The following ELOVL7 variants were observed in gnomAD, a reference collection of about 807,000 sequenced individuals.
ELOVL7 encodes ELOVL fatty acid elongase 7, also known as very long chain fatty acid elongase 7.
A neutral mutation model predicts 35.7 loss-of-function variants in ELOVL7; 27 were observed. That is an observed-to-expected ratio of 0.76 (90% CI 0.56 to 1.04). ELOVL7 has a LOEUF of 1.04. Ranked by LOEUF, ELOVL7 falls within the 50% of genes least tolerant of loss-of-function variation. ELOVL7 has a pLI of 0.00. For missense variants in ELOVL7, 327 were observed against 340.8 expected (o/e 0.96, Z 0.32); for synonymous variants, 113 against 114.6 (o/e 0.99, Z 0.09).
intron 2 of ELOVL7, among the ~76,000 whole-genome samples, chr5:60,795,655 T>C (rs1479814747): frequency 6.6e-6 from 1 of 152,364 alleles, no homozygotes; most frequent in African/African-American, 2.4e-5. Flanking sequence ...GACTCGCCAC[T>C]GACTTCCAAC....
intron 4 of ELOVL7, among the ~76,000 whole-genome samples, chr5:60,770,718 A>C (rs988466904): frequency 1.3e-5 from 2 of 150,672 alleles, no homozygotes; most frequent in African/African-American, 5.0e-5. Context: ...TATTTTTTTT[A>C]TTTTTATTTT....
intron 1 of ELOVL7, among the ~76,000 whole-genome samples, chr5:60,815,686 G>A (rs1186392309): frequency 6.6e-6 from 1 of 152,054 alleles, no homozygotes; most frequent in Non-Finnish European, 1.5e-5. Context: ...TCCTGCCTCA[G>A]CTTCAAAAAT....
At chr5:60,810,446 A>G (rs1745177834) in intron 1 of ELOVL7, among the ~76,000 whole-genome samples, 1 of 152,246 alleles carries the variant, frequency 6.6e-6, no homozygotes. Flanking sequence ...CTGCTTAAAA[A>G]GCTTCTACAG....
chr5:60,813,024 A>G (rs757920967), intron 1 of ELOVL7, among the ~76,000 whole-genome samples: 2 of 152,210 alleles, frequency 1.3e-5, no homozygotes, highest in Non-Finnish European at 2.9e-5. Context: ...CATCCATGCC[A>G]GAGTCCATTT....
chr5:60,757,563 C>T lies in ELOVL7; in HGVS notation c.582G>A (p.Gly194=), dbSNP rs529994057. Residue 194 remains glycine, a synonymous_variant, in exon 8 of 9, where the codon GGG becomes GGA. Transcript: ENST00000508821. The stretch of plus-strand genomic sequence containing the variant: ...ACCACAAATACTTCTGGTAGGCTGG[C>T]CCCAATGCAGAAAGTCCATAGTAGG... ...MYSYYGLSAL[G]PAYQKYLWWK... is the part of the protein sequence containing the mutation. 23 of 1,613,322 alleles carry T rather than the reference C, an allele frequency of 1.4e-5. No homozygotes were observed. Among genetic ancestry groups the T allele is most frequent in the Non-Finnish European group, 1.8e-5 (21 of 1,179,478 alleles).
At chr5:60,796,859 G>T (rs73759422) in intron 2 of ELOVL7, among the ~76,000 whole-genome samples, 2,098 of 152,310 alleles carry the variant, frequency 0.014, 50 homozygotes, top group African/African-American at 0.048. Flanking sequence ...AAGTGGGAAA[G>T]GGTGGGGAAT....
chr5:60,768,888 T>A (rs1742409164), intron 4 of ELOVL7, among the ~76,000 whole-genome samples: 1 of 152,176 alleles, frequency 6.6e-6, no homozygotes, highest in Non-Finnish European at 1.5e-5. Flanking sequence ...TTAATTACTA[T>A]TAAAGCTAAA....
At chr5:60,776,191 A>G (rs1365661753) in intron 3 of ELOVL7, among the ~76,000 whole-genome samples, 1 of 152,224 alleles carries the variant, frequency 6.6e-6, no homozygotes, top group Non-Finnish European at 1.5e-5. Context: ...AAAAGAAGAC[A>G]TACAAGCGGC....
chr5:60,776,869 T>TA (rs1179968690), intron 3 of ELOVL7, among the ~76,000 whole-genome samples: 1 of 152,062 alleles, frequency 6.6e-6, no homozygotes, highest in African/African-American at 2.4e-5. Flanking sequence ...GAATCTAAAA[T>TA]AAAAATTTTA....
At chr5:60,780,981 C>T (rs992918984) in intron 3 of ELOVL7, among the ~76,000 whole-genome samples, 5 of 152,172 alleles carry the variant, frequency 3.3e-5, no homozygotes, top group Admixed American at 3.3e-4. Context: ...GAGGCCAAGG[C>T]AGGTGATCGC....
Position 60,754,817 on chromosome 5 carries a change from A to T in ELOVL7, c.653T>A (p.Val218Asp). The T allele has an allele frequency of 1.2e-6, 2 of 1,614,048 alleles. No homozygotes were observed. The highest frequency in any genetic ancestry group is 1.7e-6 in the Non-Finnish European group (2 of 1,179,978). ...AAAGAACTGGCTTATGTGGATGGCG[A>T]CAATAACAAACTGGACCTAAGAAAT... ...TSLQLVQFVIVAIHISQFFFM... is the reference protein window; with the variant it reads ...TSLQLVQFVIDAIHISQFFFM... The change falls in exon 9 of 9, where the codon GTC becomes GAC. Residue 218 changes from valine (V) to aspartate (D), a missense_variant. Val to Asp is a radical substitution (Grantham distance 152). Coordinates refer to ENST00000508821, the MANE Select transcript of ELOVL7 (RefSeq NM_024930.3).
chr5:60,754,829 T>C lies in ELOVL7; in HGVS notation c.641A>G (p.Gln214Arg), dbSNP rs1186111107. 1 of 1,613,006 alleles carries C rather than the reference T, an allele frequency of 6.2e-7. No individual in the cohort carries two copies. Among genetic ancestry groups the C allele is most frequent in the Non-Finnish European group, 8.5e-7 (1 of 1,179,604 alleles). ...KKYLTSLQLV[Q>R]FVIVAIHISQ... ...TATGTGGATGGCGACAATAACAAAC[T>C]GGACCTAAGAAATGAAAACGTGAAA... Residue 214 changes from glutamine (Q) to arginine (R), a missense_variant, in exon 9 of 9, where the codon CAG becomes CGG. Transcript: ENST00000508821.
At chr5:60,815,805 A>G (rs1745484168) in intron 1 of ELOVL7, among the ~76,000 whole-genome samples, 1 of 152,182 alleles carries the variant, frequency 6.6e-6, no homozygotes, top group Non-Finnish European at 1.5e-5. Flanking sequence ...AAATAAAATA[A>G]AAATGGTGAA....
intron 1 of ELOVL7, among the ~76,000 whole-genome samples, chr5:60,826,372 A>ATT (rs369512592): frequency 6.7e-6 from 1 of 149,980 alleles, no homozygotes; most frequent in African/African-American, 2.5e-5. Flanking sequence ...TGTGATTCTG[A>ATT]TTTTTTTTTT....
chr5:60,786,948 G>A (rs1460405775), intron 3 of ELOVL7, among the ~76,000 whole-genome samples: 1 of 150,316 alleles, frequency 6.7e-6, no homozygotes, highest in Non-Finnish European at 1.5e-5. Flanking sequence ...GACAGAGTGA[G>A]ACTCTGTCTT....
At chr5:60,835,421 T>G (rs558968607) in intron 1 of ELOVL7, among the ~76,000 whole-genome samples, 9 of 150,032 alleles carry the variant, frequency 6.0e-5, no homozygotes, top group African/African-American at 2.2e-4. Flanking sequence ...TATTTTTGAA[T>G]TTTTTTTTTA....
intron 1 of ELOVL7, among the ~76,000 whole-genome samples, chr5:60,830,200 T>C (rs1249346319): frequency 6.6e-6 from 1 of 152,196 alleles, no homozygotes; most frequent in Non-Finnish European, 1.5e-5. Context: ...GCACCTGCTA[T>C]GTGCCAAGCA....
chr5:60,828,277 C>T (rs1338963275), intron 1 of ELOVL7, among the ~76,000 whole-genome samples: 2 of 152,112 alleles, frequency 1.3e-5, no homozygotes, highest in Non-Finnish European at 2.9e-5. Context: ...GTTACATCCT[C>T]ATATGGTAAA....
chr5:60,785,404 A>T (rs1352924653), intron 3 of ELOVL7, among the ~76,000 whole-genome samples: 2 of 152,264 alleles, frequency 1.3e-5, no homozygotes, highest in African/African-American at 4.8e-5. Flanking sequence ...TTCTAGGACT[A>T]CATAGATATT....
Sources: gnomAD v4.1 joint callset for allele counts (sites outside exome capture counted in the v4.1 genomes callset) on GRCh38, gnomAD v4.1.1 for gene constraint, MANE v1.5 for transcripts, NCBI Gene and HGNC (gene_info 2026-07-23, HGNC 2026-07-21) for gene names.